Variants in CFAP100 observed in about 807,000 individuals in gnomAD.
CFAP100 encodes cilia and flagella associated protein 100, also known as cilia- and flagella-associated protein 100.
Under a neutral mutation model 81.5 loss-of-function variants are expected in CFAP100, and 70 were observed. The observed-to-expected ratio is 0.86, with a 90% confidence interval of 0.71 to 1.05. The LOEUF (loss-of-function observed/expected upper bound fraction) is 1.05, where lower values mean the gene tolerates loss of function less well. CFAP100 is among the 50% of genes least tolerant of loss of function. The probability of loss-of-function intolerance (pLI) is 0.00; values close to 1 mark genes in which losing one functional copy is unlikely to be tolerated. For synonymous variants in CFAP100, 341 were observed against 314.8 expected (o/e 1.08, Z -0.88); for missense variants, 811 against 776.5 (o/e 1.04, Z -0.53).
At chr3:126,423,232 G>A in intron 11 of CFAP100, 93 bp from the exon 12 acceptor site, 1 of 1,020,180 alleles carries the variant, frequency 9.8e-7, no homozygotes, top group Non-Finnish European at 1.4e-6. Context: ...GGATGGGGAT[G>A]CTGCCAACGC....
At position 126,423,543 on chromosome 3, in the gene CFAP100, A is replaced by T. The variant is rs1255128240; in HGVS notation, c.1185A>T (p.Arg395=). The part of the protein sequence containing the change: ...TEPQQLLDVF[R]ELEEQNLSLI... ...CCCAGCAGCTCCTGGATGTCTTCCG[A>T]GAGCTGGAGGAGCAGAACCTGTCGC... The change falls in exon 13 of 17, where the codon CGA becomes CGT. Residue 395 remains arginine, a synonymous_variant. Coordinates refer to ENST00000352312, the MANE Select transcript of CFAP100 (RefSeq NM_182628.3). The T allele has an allele frequency of 6.2e-7, 1 of 1,614,112 alleles. No homozygotes were observed. Among genetic ancestry groups the T allele is most frequent in the East Asian group, 2.2e-5 (1 of 44,872 alleles).
At chr3:126,416,837 A>C (rs995588683) in intron 5 of CFAP100, 2 of 231,358 alleles carry the variant, frequency 8.6e-6, no homozygotes, top group African/African-American at 4.5e-5. Flanking sequence ...CCCTTTGCCT[A>C]ACTTTTATTA....
In CFAP100 at chr3:126,426,028, T is replaced by C. The variant is rs79045767; in HGVS notation, c.1286+2384T>C. On this transcript the variant is annotated intron_variant, in intron 13 of 16. Coordinates refer to ENST00000352312, the MANE Select transcript of CFAP100 (RefSeq NM_182628.3). ...AGGCAAAGAGGTCTTCTCTCACTAC[T>C]ACTTTTCAATATTGTATTGGAAGTC... 7.6e-3 allele frequency among the ~76,000 whole-genome samples: 1,155 copies of C among 152,342 alleles called. 19 individuals are homozygous for C. Among genetic ancestry groups the C allele is most frequent in the African/African-American group, 0.026 (1,066 of 41,576 alleles).
At chr3:126,410,696 C>G (rs2083140871) in intron 3 of CFAP100, among the ~76,000 whole-genome samples, 1 of 152,150 alleles carries the variant, frequency 6.6e-6, no homozygotes, top group South Asian at 2.1e-4. Flanking sequence ...ATCACTCTCC[C>G]AGTGAGGACC....
At chr3:126,411,392 G>A (rs1417599052) in intron 3 of CFAP100, among the ~76,000 whole-genome samples, 4 of 51,756 alleles carry the variant, frequency 7.7e-5, no homozygotes, top group South Asian at 5.3e-4. Flanking sequence ...TTTTTTGCTC[G>A]TGTCCTTTCC....
intron 11 of CFAP100, 66 bp from the exon 12 acceptor site, chr3:126,423,258 GC>G (rs1335508726): frequency 1.3e-5 from 18 of 1,351,602 alleles, no homozygotes; most frequent in Middle Eastern, 2.0e-4. Context: ...AGACCTCTGT[GC>G]CCCCTCCCCT....
chr3:126,413,851 C>G (rs539658163), intron 3 of CFAP100, among the ~76,000 whole-genome samples: 9 of 152,338 alleles, frequency 5.9e-5, no homozygotes, highest in African/African-American at 2.2e-4. Context: ...CTCACGAGCT[C>G]TCTTTCAGGG....
At chr3:126,433,294 T>C in intron 14 of CFAP100, 90 bp downstream of exon 14, 1 of 1,509,546 alleles carries the variant, frequency 6.6e-7, no homozygotes, top group Non-Finnish European at 9.1e-7. Flanking sequence ...CTTGGGAAGA[T>C]GGAGGACAAG....
intron 11 of CFAP100, chr3:126,420,578 A>G (rs2083314622): frequency 3.5e-6 from 1 of 288,588 alleles, no homozygotes; most frequent in Admixed American, 4.9e-5. Context: ...AAAGTCTGAT[A>G]GATGATCTGG....
intron 3 of CFAP100, among the ~76,000 whole-genome samples, chr3:126,413,162 A>G (rs2083183138): frequency 6.6e-6 from 1 of 152,160 alleles, no homozygotes; most frequent in South Asian, 2.1e-4. Flanking sequence ...TGGGGAGGTG[A>G]AGCGGGTGCC....
At chr3:126,405,022 G>T (rs781306853) in intron 2 of CFAP100, among the ~76,000 whole-genome samples, 1 of 152,066 alleles carries the variant, frequency 6.6e-6, no homozygotes, top group African/African-American at 2.4e-5. Context: ...ACATAAAATT[G>T]ACCATCTTAA....
rs376761729 is a variant in CFAP100 at position 126,436,553 on chromosome 3, T to C, written c.*149T>C. 5 of 622,076 alleles carry C rather than the reference T, an allele frequency of 8.0e-6. No homozygotes were observed. The highest frequency in any genetic ancestry group is 4.4e-4 in the Middle Eastern group (1 of 2,278). The allele number at this position is 622,076 out of a possible 1,614,324, so 38.5% of individuals were successfully genotyped here. A position where few individuals can be genotyped will look rare whatever the true frequency, so the allele number is the denominator to read the frequency against. On this transcript the variant is annotated 3_prime_UTR_variant, in exon 17 of 17. Coordinates refer to ENST00000352312, the MANE Select transcript of CFAP100 (RefSeq NM_182628.3). ...TCACCTGAATAAATTCATGTCTCTC[T>C]GGAGTCTTGAAGGCCTGCTTAAGGA...
At chr3:126,399,726 G>T (rs1348270313) in intron 2 of CFAP100, among the ~76,000 whole-genome samples, 1 of 152,216 alleles carries the variant, frequency 6.6e-6, no homozygotes, top group African/African-American at 2.4e-5. Flanking sequence ...CAACTCTTCT[G>T]AAACTCTGGA....
Position 126,399,072 on chromosome 3 carries a change from C to T in CFAP100, c.49+3023C>T, listed in dbSNP as rs914850013. 1.5e-4 allele frequency among the ~76,000 whole-genome samples: 23 copies of T among 152,204 alleles called. 1 individual carries two copies. Among genetic ancestry groups the T allele is most frequent in the Admixed American group, 1.4e-3 (22 of 15,290 alleles). On this transcript the variant is annotated intron_variant, in intron 2 of 16. Coordinates refer to ENST00000352312, the MANE Select transcript of CFAP100 (RefSeq NM_182628.3). ...CCCTCCCTCACACCCCACAGGAGCT[C>T]ATTTAGATGTCAGCTCCACAGGGAG... is the stretch of plus-strand genomic sequence containing the variant.
intron 2 of CFAP100, among the ~76,000 whole-genome samples, chr3:126,402,559 G>A (rs2083002018): frequency 6.6e-6 from 1 of 152,134 alleles, no homozygotes; most frequent in Non-Finnish European, 1.5e-5. Context: ...GGGGGGATAG[G>A]GCAGGGATCA....
At chr3:126,419,958 GC>G (rs761531040) in intron 9 of CFAP100, 21 bp from the exon 10 acceptor site, 3 of 1,612,792 alleles carry the variant, frequency 1.9e-6, no homozygotes, top group African/African-American at 1.3e-5. Context: ...GGCCATCGGG[GC>G]CCCCCCTTTG....
rs140835865 is a variant in CFAP100 at position 126,407,224 on chromosome 3, C to T, written c.102C>T (p.Asn34=). ...NISSSSSTEE[N]PKKQARKNEE... is the part of the protein sequence containing the mutation. Reference sequence around the variant, plus strand: ...GCTCTTCTTCAAGCACTGAAGAGAACCCAAAGAAACAGGCAAGAAAAAACG... The same window carrying T: ...GCTCTTCTTCAAGCACTGAAGAGAATCCAAAGAAACAGGCAAGAAAAAACG... The change falls in exon 3 of 17, where the codon AAC becomes AAT. Residue 34 remains asparagine, a synonymous_variant. Transcript: ENST00000352312. 38 of 1,613,764 alleles carry T rather than the reference C, an allele frequency of 2.4e-5. No individual in the cohort carries two copies. The African/African-American group carries it at 4.5e-4, about 19-fold the overall frequency.
At chr3:126,406,776 G>A (rs552720258) in intron 2 of CFAP100, among the ~76,000 whole-genome samples, 1 of 152,320 alleles carries the variant, frequency 6.6e-6, no homozygotes, top group African/African-American at 2.4e-5. Context: ...CTCCATCCAA[G>A]TCCAGCAGGA....
intron 15 of CFAP100, among the ~76,000 whole-genome samples, chr3:126,434,732 C>T (rs1034009651): frequency 1.3e-5 from 2 of 152,126 alleles, no homozygotes; most frequent in African/African-American, 2.4e-5. Flanking sequence ...GTGGGGCAAA[C>T]ACGGCCAGGT....
Sources: allele counts gnomAD v4.1 joint callset (sites outside exome capture counted in the v4.1 genomes callset), GRCh38; gene constraint gnomAD v4.1.1; transcripts MANE v1.5; gene names NCBI Gene and HGNC (gene_info 2026-07-23, HGNC 2026-07-21).